GABRB3: variants seen among roughly 807,000 people sequenced by gnomAD.
The protein encoded by GABRB3 is gamma-aminobutyric acid type A receptor subunit beta3, also known as gamma-aminobutyric acid receptor subunit beta-3.
In GABRB3, 14 loss-of-function variants were observed where a neutral mutation model predicts 52.1. The ratio of observed to expected loss-of-function variants is 0.27; its 90% CI spans 0.18 to 0.42. GABRB3 has a LOEUF of 0.42. Among genes scored for constraint, GABRB3 ranks in the 10% least tolerant of loss-of-function variants. The pLI is 1.00. For synonymous variants in GABRB3, 260 were observed against 232.3 expected (o/e 1.12, Z -1.08); for missense variants, 307 against 609.1 (o/e 0.50, Z 5.22).
At chr15:26,572,332 A>G (rs1290221845) in intron 6 of GABRB3, among the ~76,000 whole-genome samples, 1 of 152,226 alleles carries the variant, frequency 6.6e-6, no homozygotes, top group Admixed American at 6.5e-5. Flanking sequence ...GAGGTTTCAC[A>G]TTGTATGCAC....
chr15:26,575,242 C>A (rs1291363645), intron 6 of GABRB3, among the ~76,000 whole-genome samples: 1 of 152,140 alleles, frequency 6.6e-6, no homozygotes, highest in Admixed American at 6.5e-5. Context: ...ATGTCAGAAG[C>A]CCTTATAAAA....
chr15:26,763,128 T>A (rs531961139), intron 3 of GABRB3, among the ~76,000 whole-genome samples: 2 of 152,302 alleles, frequency 1.3e-5, no homozygotes, highest in South Asian at 2.1e-4. Context: ...GCCTTCAGTG[T>A]GTATCAGTGG....
chr15:26,737,858 T>A (rs1890103780), intron 3 of GABRB3, among the ~76,000 whole-genome samples: 1 of 152,194 alleles, frequency 6.6e-6, no homozygotes, highest in Admixed American at 6.5e-5. Flanking sequence ...ACATGAATTT[T>A]TATTGCTGTG....
chr15:26,616,762 A>G (rs1458019033), intron 4 of GABRB3, among the ~76,000 whole-genome samples: 2 of 152,176 alleles, frequency 1.3e-5, no homozygotes, highest in African/African-American at 2.4e-5. Flanking sequence ...TAACATTTAC[A>G]TATGAAGTTA....
At chr15:26,755,995 G>A (rs1297366150) in intron 3 of GABRB3, among the ~76,000 whole-genome samples, 1 of 151,974 alleles carries the variant, frequency 6.6e-6, no homozygotes, top group Non-Finnish European at 1.5e-5. Flanking sequence ...ATATTTAATA[G>A]CACAAGAGTA....
intron 4 of GABRB3, among the ~76,000 whole-genome samples, chr15:26,606,772 A>ATAGATATATCTATCGATAGATATATT (rs1566770499): frequency 3.7e-5 from 3 of 81,684 alleles, no homozygotes; most frequent in Non-Finnish European, 9.6e-5. Flanking sequence ...GTCTATCTAT[A>ATAGATATATCTATCGATAGATATATT]GATAGATAGA....
intron 3 of GABRB3, among the ~76,000 whole-genome samples, chr15:26,672,864 A>C (rs1198642907): frequency 6.6e-6 from 1 of 152,226 alleles, no homozygotes; most frequent in Non-Finnish European, 1.5e-5. Context: ...GAAAAACACC[A>C]AGAGAAAGGA....
chr15:26,660,606 C>T (rs909750031), intron 3 of GABRB3, among the ~76,000 whole-genome samples: 17 of 152,182 alleles, frequency 1.1e-4, no homozygotes, highest in Non-Finnish European at 2.4e-4. Flanking sequence ...CACCACACAG[C>T]AGCCAGATTC....
At chr15:26,565,729 C>T (rs1444432558) in intron 7 of GABRB3, among the ~76,000 whole-genome samples, 1 of 152,086 alleles carries the variant, frequency 6.6e-6, no homozygotes, top group Non-Finnish European at 1.5e-5. Flanking sequence ...TTCAGATATG[C>T]ACATTTTCAG....
At chr15:26,644,607 G>A (rs1447985013) in intron 3 of GABRB3, among the ~76,000 whole-genome samples, 2 of 152,220 alleles carry the variant, frequency 1.3e-5, no homozygotes, top group Admixed American at 6.5e-5. Context: ...TCCAGCCTCC[G>A]GAACTGTGAG....
chr15:26,709,748 A>C (rs1198860153), intron 3 of GABRB3, among the ~76,000 whole-genome samples: 1 of 151,858 alleles, frequency 6.6e-6, no homozygotes, highest in Non-Finnish European at 1.5e-5. Context: ...CAATCTCCTG[A>C]CCTTGTGATC....
chr15:26,762,785 A>G (rs930151459), intron 3 of GABRB3, among the ~76,000 whole-genome samples: 2 of 152,140 alleles, frequency 1.3e-5, no homozygotes, highest in Non-Finnish European at 2.9e-5. Flanking sequence ...CTCACAAGGA[A>G]TGATTACAGG....
At chr15:26,754,358 A>G (rs1453104748) in intron 3 of GABRB3, among the ~76,000 whole-genome samples, 1 of 152,220 alleles carries the variant, frequency 6.6e-6, no homozygotes, top group Non-Finnish European at 1.5e-5. Flanking sequence ...AGAGATCAGA[A>G]GTAGTTGAGA....
intron 2 of GABRB3, 21 bp downstream of exon 2, chr15:26,772,660 G>C: frequency 6.5e-7 from 1 of 1,546,076 alleles, no homozygotes. Flanking sequence ...TTCCCGCAAC[G>C]GCCGCGCGCA....
chr15:26,567,188 T>C (rs934268841), intron 7 of GABRB3, among the ~76,000 whole-genome samples: 1 of 152,260 alleles, frequency 6.6e-6, no homozygotes, highest in African/African-American at 2.4e-5. Context: ...GTAATTCCAA[T>C]TCTATGCTGT....
intron 3 of GABRB3, among the ~76,000 whole-genome samples, chr15:26,742,316 C>A (rs1474736566): frequency 6.6e-6 from 1 of 151,014 alleles, no homozygotes; most frequent in Non-Finnish European, 1.5e-5. Flanking sequence ...AATATTGTCC[C>A]ATCCATTCTT....
chr15:26,745,474 C>T (rs991408646), intron 3 of GABRB3, among the ~76,000 whole-genome samples: 21 of 152,122 alleles, frequency 1.4e-4, no homozygotes, highest in African/African-American at 5.1e-4. Context: ...GGATTTCATG[C>T]ACTCGTGGGT....
At chr15:26,726,201 C>G (rs745744882) in intron 3 of GABRB3, among the ~76,000 whole-genome samples, 1 of 151,688 alleles carries the variant, frequency 6.6e-6, no homozygotes, top group East Asian at 2.0e-4. Context: ...AAATTTTCCA[C>G]TTGTTGGTAT....
chr15:26,627,209 C>A lies in GABRB3; in HGVS notation c.241-5675G>T, dbSNP rs534584653. 4.2e-3 allele frequency among the ~76,000 whole-genome samples: 618 copies of A among 145,544 alleles called. 3 individuals are homozygous for A. The highest frequency in any genetic ancestry group is 0.015 in the African/African-American group (599 of 39,380). On this transcript the variant is annotated intron_variant, in intron 3 of 8. Coordinates refer to ENST00000311550, the MANE Select transcript of GABRB3 (RefSeq NM_000814.6). ...TAACCCACAGTTGAGACCTTCTGCT[C>A]AGAAAAAACATTCCTTTCAAAATGT...
Sources: allele counts gnomAD v4.1 joint callset (sites outside exome capture counted in the v4.1 genomes callset), GRCh38; gene constraint gnomAD v4.1.1; transcripts MANE v1.5; gene names NCBI Gene and HGNC (gene_info 2026-07-23, HGNC 2026-07-21).